The following TRIQK variants were observed in gnomAD, a reference collection of about 807,000 sequenced individuals.
The protein encoded by TRIQK is triple QxxK/R motif containing.
A neutral mutation model predicts 10.8 loss-of-function variants in TRIQK; 10 were observed. The observed-to-expected ratio is 0.92, with a 90% CI of 0.57 to 1.57. The LOEUF (loss-of-function observed/expected upper bound fraction) is 1.57, where lower values mean the gene tolerates loss of function less well. Ranked by LOEUF, TRIQK falls within the 40% of genes most tolerant of loss-of-function variation. The probability of loss-of-function intolerance (pLI) is 0.00; values close to 1 mark genes in which losing one functional copy is unlikely to be tolerated. For missense variants in TRIQK, 107 were observed against 97.7 expected (o/e 1.09, Z -0.40); for synonymous variants, 33 against 33.7 (o/e 0.98, Z 0.07).
chr8:92,898,076 T>G (rs2130317130), intron 3 of TRIQK, among the ~76,000 whole-genome samples: 1 of 152,296 alleles, frequency 6.6e-6, no homozygotes, highest in African/African-American at 2.4e-5. Flanking sequence ...TTGGTCAGTC[T>G]CATGTTTAAC....
intron 1 of TRIQK, among the ~76,000 whole-genome samples, chr8:92,999,426 A>G (rs1813185923): frequency 6.6e-6 from 1 of 152,182 alleles, no homozygotes; most frequent in African/African-American, 2.4e-5. Flanking sequence ...TAATTACTCT[A>G]AGTTTTTAAT....
chr8:92,884,763 A>T lies in TRIQK; in HGVS notation c.*1859T>A, dbSNP rs768705370. Reference sequence around the variant, plus strand: ...AAATTACCACTGAAAACTAGAAATAATCTTTATTTAATACGACTGTTTTAA... The same window carrying T: ...AAATTACCACTGAAAACTAGAAATATTCTTTATTTAATACGACTGTTTTAA... On this transcript the variant is annotated 3_prime_UTR_variant, in exon 5 of 5. Transcript: ENST00000521988. The T allele has an allele frequency of 4.6e-5, 20 of 437,128 alleles. No homozygotes were observed. Among genetic ancestry groups the T allele is most frequent in the Non-Finnish European group, 8.3e-5 (18 of 216,220 alleles). The allele number at this position is 437,128 out of a possible 1,614,324, so 27.1% of individuals were successfully genotyped here.
upstream of TRIQK, among the ~76,000 whole-genome samples, chr8:92,967,682 C>A (rs938090401): frequency 6.6e-6 from 1 of 151,636 alleles, no homozygotes; most frequent in Non-Finnish European, 1.5e-5. Context: ...ATTAGGCAGG[C>A]ATGGTGGCAG....
chr8:92,994,494 A>G (rs1813132547), intron 1 of TRIQK, among the ~76,000 whole-genome samples: 1 of 152,016 alleles, frequency 6.6e-6, no homozygotes, highest in East Asian at 1.9e-4. Flanking sequence ...GAAAAAATCC[A>G]GTCCATTCAT....
chr8:92,930,341 A>G (rs962667697), intron 2 of TRIQK, among the ~76,000 whole-genome samples: 1 of 141,346 alleles, frequency 7.1e-6, no homozygotes, highest in Admixed American at 7.7e-5. Flanking sequence ...AGTGAGCCGG[A>G]ATTGAGCCAC....
intron 3 of TRIQK, among the ~76,000 whole-genome samples, chr8:92,901,617 T>A (rs1808945071): frequency 6.6e-6 from 1 of 152,204 alleles, no homozygotes; most frequent in African/African-American, 2.4e-5. Flanking sequence ...TGATGAATAA[T>A]ATTTTAATGT....
At chr8:92,902,831 G>C (rs1007689825) in intron 3 of TRIQK, among the ~76,000 whole-genome samples, 14 of 151,482 alleles carry the variant, frequency 9.2e-5, no homozygotes, top group African/African-American at 2.9e-4. Context: ...GATTTTTGTT[G>C]CTCTTTCATT....
At chr8:92,978,517 A>T (rs927319664) in intron 1 of TRIQK, among the ~76,000 whole-genome samples, 2 of 152,036 alleles carry the variant, frequency 1.3e-5, no homozygotes, top group Admixed American at 6.6e-5. Flanking sequence ...GTCTAGGAGG[A>T]TGTTTCATTT....
At position 92,886,829 on chromosome 8, in the gene TRIQK, G is replaced by A. The variant is rs952832278; in HGVS notation, c.148-94C>T. 3 of 699,006 alleles carry A rather than the reference G, an allele frequency of 4.3e-6. No individual in the cohort carries two copies. In the African/African-American group the frequency reaches 5.5e-5, roughly 13 times the overall value. 43.3% of individuals were successfully genotyped at this position (699,006 alleles called of 1,614,324 possible). A position where few individuals can be genotyped will look rare whatever the true frequency, so the allele number is the denominator to read the frequency against. ...GATAAAATAACCATATTGTTCCACA[G>A]TCTAGAATGAATAATTTGAACCTAA... On this transcript the variant is annotated intron_variant, in intron 4 of 4. Transcript: ENST00000521988.
intron 2 of TRIQK, among the ~76,000 whole-genome samples, chr8:92,940,191 A>C (rs1475769453): frequency 1.3e-5 from 2 of 152,164 alleles, no homozygotes; most frequent in Non-Finnish European, 2.9e-5. Flanking sequence ...AAAATAATGA[A>C]ATTCTATCCA....
intron 2 of TRIQK, among the ~76,000 whole-genome samples, chr8:92,926,935 C>T (rs1810476789): frequency 6.6e-6 from 1 of 152,022 alleles, no homozygotes; most frequent in African/African-American, 2.4e-5. Context: ...CCTGTAATAC[C>T]AGCTACTCTG....
intron 1 of TRIQK, among the ~76,000 whole-genome samples, chr8:92,989,107 TG>T (rs139429836): frequency 0.065 from 9,958 of 152,204 alleles, 626 homozygotes; most frequent in African/African-American, 0.16. Flanking sequence ...AAGATAATAC[TG>T]CATATCAGGA....
chr8:92,958,737 T>C (rs865969351), intron 1 of TRIQK, among the ~76,000 whole-genome samples: 1 of 152,016 alleles, frequency 6.6e-6, no homozygotes, highest in Non-Finnish European at 1.5e-5. Flanking sequence ...ACACTATGTC[T>C]TACAATTCAG....
chr8:92,907,948 C>T (rs1049533788), intron 3 of TRIQK, among the ~76,000 whole-genome samples: 1 of 151,974 alleles, frequency 6.6e-6, no homozygotes, highest in Non-Finnish European at 1.5e-5. Context: ...TCATATTACA[C>T]TATTTTAGGG....
At chr8:92,910,536 A>G (rs1809515785) in intron 3 of TRIQK, among the ~76,000 whole-genome samples, 1 of 151,102 alleles carries the variant, frequency 6.6e-6, no homozygotes, top group South Asian at 2.1e-4. Context: ...ATAGTAAATT[A>G]TATAGAATTA....
Position 92,938,366 on chromosome 8 carries a change from C to T in TRIQK, c.-22+16040G>A, listed in dbSNP as rs567607217. On this transcript the variant is annotated intron_variant, in intron 2 of 4. Transcript: ENST00000521988. ...TCAAATTAACTAACACATCCATCAC[C>T]AACCATTTTAAATTTGTCTTTAGTT... Among the ~76,000 whole-genome samples, 5 of 151,882 alleles carry T rather than the reference C, an allele frequency of 3.3e-5. No homozygotes were observed. In the South Asian group the frequency reaches 1.0e-3, roughly 32 times the overall value.
chr8:92,896,303 T>C (rs1808593226), intron 3 of TRIQK, among the ~76,000 whole-genome samples: 1 of 152,194 alleles, frequency 6.6e-6, no homozygotes, highest in African/African-American at 2.4e-5. Flanking sequence ...GTGCTGATTC[T>C]GCAGACTTAC....
At chr8:92,886,996 T>C (rs890267960) in intron 4 of TRIQK, 28 of 227,442 alleles carry the variant, frequency 1.2e-4, no homozygotes, top group African/African-American at 6.2e-4. Flanking sequence ...CTTATAGTAA[T>C]ATTAAAAATG....
Position 92,886,675 on chromosome 8 carries a change from A to G in TRIQK, c.208T>C (p.Tyr70His). 4 of 1,532,730 alleles carry G rather than the reference A, an allele frequency of 2.6e-6. No individual in the cohort carries two copies. The highest frequency in any genetic ancestry group is 3.5e-6 in the Non-Finnish European group (4 of 1,143,736). The allele number at this position is 1,532,730 out of a possible 1,614,324, so 94.9% of individuals were successfully genotyped here. ...ALLLAFYAFFYLRLTTDVDPD... is the reference protein window; with the variant it reads ...ALLLAFYAFFHLRLTTDVDPD... ...TCAACATCCGTGGTGAGTCTGAGAT[A>G]AAAGAAAGCATAGAAAGCCAGTAGT... Residue 70 changes from tyrosine to histidine, a missense_variant, in exon 5 of 5, where the codon TAT becomes CAT. By Grantham distance (83) the Tyr-to-His change is moderately conservative. Coordinates refer to ENST00000521988, the MANE Select transcript of TRIQK (RefSeq NM_001171797.2).
Sources: allele counts gnomAD v4.1 joint callset (sites outside exome capture counted in the v4.1 genomes callset), GRCh38; gene constraint gnomAD v4.1.1; transcripts MANE v1.5; gene names NCBI Gene and HGNC (gene_info 2026-07-23, HGNC 2026-07-21).